Variants in BCAS3 observed in about 807,000 individuals in gnomAD.
BCAS3 encodes the protein BCAS4/BCAS3 fusion.
In BCAS3, 53 loss-of-function variants were observed where a neutral mutation model predicts 116.1. That is an observed-to-expected ratio of 0.46 (90% CI 0.37 to 0.57). BCAS3 has a LOEUF of 0.57. BCAS3 is among the 20% of genes least tolerant of loss of function. The pLI, the probability that BCAS3 is intolerant of heterozygous loss-of-function variation, is 0.00. For missense variants in BCAS3, 917 were observed against 1,165.4 expected (o/e 0.79, Z 3.10); for synonymous variants, 391 against 408.2 (o/e 0.96, Z 0.51).
intron 14 of BCAS3, among the ~76,000 whole-genome samples, chr17:60,959,812 G>A (rs2061329161): frequency 6.6e-6 from 1 of 152,112 alleles, no homozygotes; most frequent in African/African-American, 2.4e-5. Context: ...ATGTAAGCAA[G>A]GCTGCACTTC....
rs570633059 is a variant in BCAS3, at chr17:61,092,332, C to G, written c.2425+7768C>G. Among the ~76,000 whole-genome samples, 56 of 152,066 alleles carry G rather than the reference C, an allele frequency of 3.7e-4. No homozygotes were observed. In the South Asian group the frequency reaches 7.0e-3, roughly 19 times the overall value. On this transcript the variant is annotated intron_variant, in intron 22 of 23. Coordinates refer to ENST00000407086, the MANE Select transcript of BCAS3 (RefSeq NM_017679.5). ...TTTTTATAAGTCTGTCTGTCTGTCT[C>G]TCTCTCTCTCTCTGTCTCTCGTCAA...
intron 10 of BCAS3, among the ~76,000 whole-genome samples, chr17:60,895,225 C>T (rs2057430892): frequency 6.6e-6 from 1 of 152,140 alleles, no homozygotes; most frequent in Non-Finnish European, 1.5e-5. Flanking sequence ...TACCTACTCA[C>T]TCTCACTACT....
chr17:61,375,596 G>A (rs975682642), intron 23 of BCAS3, among the ~76,000 whole-genome samples: 2 of 146,030 alleles, frequency 1.4e-5, no homozygotes, highest in African/African-American at 5.1e-5. Flanking sequence ...TTGAGATGGA[G>A]TCTCACTCTG....
Position 61,279,170 on chromosome 17 carries a change from C to T in BCAS3, c.2426-89157C>T, listed in dbSNP as rs1392362761. Among the ~76,000 whole-genome samples, 2 of 152,082 alleles carry T rather than the reference C, an allele frequency of 1.3e-5. No homozygotes were observed. The highest frequency in any genetic ancestry group is 1.3e-4 in the Admixed American group (2 of 15,266). On this transcript the variant is annotated intron_variant, in intron 22 of 23. Transcript: ENST00000407086. This position sits in a 1 kb window ranked among gnomAD's most constrained non-coding sequence, Gnocchi z 4.4. The stretch of plus-strand genomic sequence containing the variant: ...CTGTGTTGGCCAGGCTGGTCTTGAA[C>T]TCCTGACCTCAAGTGATCCGCCCAC...
intron 22 of BCAS3, among the ~76,000 whole-genome samples, chr17:61,237,098 T>C (rs146585332): frequency 6.6e-5 from 10 of 152,318 alleles, no homozygotes; most frequent in East Asian, 3.9e-4. Context: ...GTTACCATAC[T>C]GAGAGGTGAA....
At chr17:61,283,735 G>A (rs1237833181) in intron 22 of BCAS3, among the ~76,000 whole-genome samples, 1 of 152,070 alleles carries the variant, frequency 6.6e-6, no homozygotes, top group African/African-American at 2.4e-5. Flanking sequence ...TTACAGGCGT[G>A]AGCCACCGCA....
intron 5 of BCAS3, among the ~76,000 whole-genome samples, chr17:60,710,658 G>C (rs193156811): frequency 5.5e-4 from 84 of 151,770 alleles, no homozygotes; most frequent in East Asian, 7.8e-4. Flanking sequence ...ATCTTGATCT[G>C]CTGACCTCGT....
At chr17:60,966,040 A>G (rs1017317591) in intron 14 of BCAS3, among the ~76,000 whole-genome samples, 1 of 152,164 alleles carries the variant, frequency 6.6e-6, no homozygotes, top group Non-Finnish European at 1.5e-5. Context: ...TATAATTGTT[A>G]CATATGTTTA....
intron 22 of BCAS3, among the ~76,000 whole-genome samples, chr17:61,163,026 T>C (rs2078253983): frequency 6.6e-6 from 1 of 152,212 alleles, no homozygotes; most frequent in Non-Finnish European, 1.5e-5. Flanking sequence ...TGAGCACCTA[T>C]TATATGTCAT....
Position 61,007,141 on chromosome 17 carries a change from T to C in BCAS3, c.1487-8610T>C, listed in dbSNP as rs1215178880. On this transcript the variant is annotated intron_variant, in intron 15 of 23. Transcript: ENST00000407086. This position sits in a 1 kb window ranked among gnomAD's most constrained non-coding sequence, Gnocchi z 4.3. ...AATTGCATGAAACTTTTCAGACAGA[T>C]TTTTTATATTTCAGTAGAATTCCTC... Among the ~76,000 whole-genome samples the C allele has an allele frequency of 6.6e-6, 1 of 152,026 alleles. No individual in the cohort carries two copies. Among genetic ancestry groups the C allele is most frequent in the East Asian group, 1.9e-4 (1 of 5,176 alleles).
At position 61,144,328 on chromosome 17, in the gene BCAS3, C is replaced by T. The variant is rs1408730345; in HGVS notation, c.2425+59764C>T. 6.6e-6 allele frequency among the ~76,000 whole-genome samples: 1 copy of T among 152,114 alleles called. No homozygotes were observed. The highest frequency in any genetic ancestry group is 1.5e-5 in the Non-Finnish European group (1 of 68,028). On this transcript the variant is annotated intron_variant, in intron 22 of 23. Coordinates refer to ENST00000407086, the MANE Select transcript of BCAS3 (RefSeq NM_017679.5). The surrounding 1 kb of genome is among the most constrained non-coding windows in gnomAD (Gnocchi z 5.0). ...CCTACCATCTCCTCCGAGTCTTCTA[C>T]GTGTATGTCTAGATACTATGACAGA... is the stretch of plus-strand genomic sequence containing the variant.
Position 61,348,783 on chromosome 17 carries a change from C to T in BCAS3, c.2426-19544C>T, listed in dbSNP as rs1438765257. On this transcript the variant is annotated intron_variant, in intron 22 of 23. Coordinates refer to ENST00000407086, the MANE Select transcript of BCAS3 (RefSeq NM_017679.5). This position sits in a 1 kb window ranked among gnomAD's most constrained non-coding sequence, Gnocchi z 4.5. ...TTTTTTTTTTTTTGAAACAGAGTCT[C>T]ACTCTGTCGCCGAGGCTGGAGTGCA... 1.5e-5 allele frequency among the ~76,000 whole-genome samples: 2 copies of T among 135,078 alleles called. No individual in the cohort carries two copies. Among genetic ancestry groups the T allele is most frequent in the African/African-American group, 5.4e-5 (2 of 36,792 alleles). 88.6% of individuals were successfully genotyped at this position (135,078 alleles called of 152,430 possible).
At chr17:61,116,644 T>C (rs1477572555) in intron 22 of BCAS3, among the ~76,000 whole-genome samples, 1 of 152,246 alleles carries the variant, frequency 6.6e-6, no homozygotes, top group East Asian at 1.9e-4. Context: ...TGTTAAGAGA[T>C]CTTCCTTTAG....
At chr17:60,887,226 C>G (rs1200294664) in intron 9 of BCAS3, 2 of 152,116 alleles carry the variant, frequency 1.3e-5, no homozygotes, top group Non-Finnish European at 2.9e-5. Flanking sequence ...GTCCGTCACC[C>G]CTTTCTTTGA....
rs1366139566 is a variant in BCAS3, at chr17:61,200,589, G to T, written c.2425+116025G>T. On this transcript the variant is annotated intron_variant, in intron 22 of 23. Coordinates refer to ENST00000407086, the MANE Select transcript of BCAS3 (RefSeq NM_017679.5). This position sits in a 1 kb window ranked among gnomAD's most constrained non-coding sequence, Gnocchi z 5.1. ...CCTCCGAAACATTCCTACTGAAGAG[G>T]CATTAGGACTAGAGCGTATTTCTTT... 6.6e-6 allele frequency among the ~76,000 whole-genome samples: 1 copy of T among 152,190 alleles called. No individual in the cohort carries two copies. Among genetic ancestry groups the T allele is most frequent in the Admixed American group, 6.5e-5 (1 of 15,282 alleles).
intron 16 of BCAS3, among the ~76,000 whole-genome samples, chr17:61,025,960 A>G (rs1314886228): frequency 1.3e-5 from 2 of 152,020 alleles, no homozygotes; most frequent in African/African-American, 4.8e-5. Flanking sequence ...ATTTTGAAGA[A>G]GGAAATACCC....
chr17:61,040,816 G>C lies in BCAS3; in HGVS notation c.1953G>C (p.Gln651His), dbSNP rs760416767. The change falls in exon 19 of 24, where the codon CAG becomes CAC. Residue 651 changes from glutamine (Q) to histidine (H), a missense_variant. Gln to His is a conservative substitution (Grantham distance 24, BLOSUM62 0). Around this residue, in one of 3 missense-constraint regions of BCAS3, gnomAD observed 807 missense variants for 1,026.0 expected, o/e 0.79. Transcript: ENST00000407086. ...LVRTPQWNEL[Q>H]PPFNANHPLL... Reference sequence around the variant, plus strand: ...GAACCCCTCAATGGAATGAATTGCAGCCACCGTTTAATGCAAACCACCCTC... The same window carrying C: ...GAACCCCTCAATGGAATGAATTGCACCCACCGTTTAATGCAAACCACCCTC... 6.2e-7 allele frequency: 1 copy of C among 1,613,966 alleles called. No individual in the cohort carries two copies. The highest frequency in any genetic ancestry group is 1.1e-5 in the South Asian group (1 of 91,078).
chr17:60,735,782 T>A (rs886194928), intron 5 of BCAS3, among the ~76,000 whole-genome samples: 6 of 152,306 alleles, frequency 3.9e-5, no homozygotes, highest in East Asian at 1.9e-4. Flanking sequence ...TTAATCAGGT[T>A]GAGGAAGTTC....
At chr17:60,846,090 A>G (rs2144781879) in intron 7 of BCAS3, among the ~76,000 whole-genome samples, 1 of 151,816 alleles carries the variant, frequency 6.6e-6, no homozygotes, top group South Asian at 2.1e-4. Context: ...CACCATGCCC[A>G]ATTAATTTTT....
Sources: gnomAD v4.1 joint callset for allele counts (sites outside exome capture counted in the v4.1 genomes callset) on GRCh38, gnomAD v4.1.1 for gene constraint, gnomAD v4.1.1 regional missense constraint, Gnocchi (gnomAD v3.1) non-coding constraint, MANE v1.5 for transcripts, NCBI Gene and HGNC (gene_info 2026-07-23, HGNC 2026-07-21) for gene names.